Variants in AK5 observed in about 807,000 individuals in gnomAD.
AK5 encodes the protein adenylate kinase isoenzyme 5.
Under a neutral mutation model 69.5 loss-of-function variants are expected in AK5, and 27 were observed. That is an observed-to-expected ratio of 0.39 (90% CI 0.29 to 0.54). The LOEUF (loss-of-function observed/expected upper bound fraction) is 0.54. Among genes scored for constraint, AK5 ranks in the 20% least tolerant of loss-of-function variants. The pLI, the probability that AK5 is intolerant of heterozygous loss-of-function variation, is 0.71. For missense variants in AK5, 531 were observed against 700.4 expected (o/e 0.76, Z 2.73); for synonymous variants, 260 against 244.4 (o/e 1.06, Z -0.60).
chr1:77,498,458 G>T (rs549190096), intron 10 of AK5, among the ~76,000 whole-genome samples: 48 of 152,254 alleles, frequency 3.2e-4, no homozygotes, highest in African/African-American at 1.2e-3. Context: ...AAAGAGGGAG[G>T]CATTACAGGC....
intron 8 of AK5, among the ~76,000 whole-genome samples, chr1:77,463,851 G>C (rs1653984405): frequency 6.6e-6 from 1 of 152,178 alleles, no homozygotes; most frequent in Non-Finnish European, 1.5e-5. Flanking sequence ...CATTGTCCAA[G>C]CTTGGTTCAG....
intron 8 of AK5, among the ~76,000 whole-genome samples, chr1:77,430,395 C>A (rs6675781): frequency 0.23 from 34,739 of 151,964 alleles, 4,422 homozygotes; most frequent in South Asian, 0.34. Flanking sequence ...TGAGAAAAGA[C>A]GAGTTCTGTA....
At chr1:77,326,901 G>A (rs942986837) in intron 5 of AK5, among the ~76,000 whole-genome samples, 1 of 152,028 alleles carries the variant, frequency 6.6e-6, no homozygotes, top group South Asian at 2.1e-4. Flanking sequence ...TAGGAATTTG[G>A]ACCACATGAT....
chr1:77,346,655 C>T (rs760170433), intron 6 of AK5, among the ~76,000 whole-genome samples: 14 of 152,072 alleles, frequency 9.2e-5, no homozygotes, highest in Non-Finnish European at 4.4e-5. Context: ...TGCCACCATG[C>T]CCACCTAATT....
chr1:77,551,657 T>C (rs1301660461), intron 13 of AK5, among the ~76,000 whole-genome samples: 1 of 152,130 alleles, frequency 6.6e-6, no homozygotes, highest in Non-Finnish European at 1.5e-5. Context: ...GCACTGCCCT[T>C]GAGGTGCTGC....
At chr1:77,353,040 ATACT>A (rs1246754366) in intron 6 of AK5, among the ~76,000 whole-genome samples, 3 of 152,224 alleles carry the variant, frequency 2.0e-5, no homozygotes. Context: ...TTACCTTTAC[ATACT>A]TAATTATTTT....
chr1:77,551,164 C>T lies in AK5; in HGVS notation c.1621-7438C>T, dbSNP rs781588734. ...TGCACTCCAGCCTGGGAGACAAGAG[C>T]GAAACTCCATCTCAAAACAAAACAA... On this transcript the variant is annotated intron_variant, in intron 13 of 13. Coordinates refer to ENST00000354567, the MANE Select transcript of AK5 (RefSeq NM_174858.3). 2.0e-5 allele frequency among the ~76,000 whole-genome samples: 3 copies of T among 151,798 alleles called. No individual in the cohort carries two copies. The East Asian group carries it at 5.8e-4, about 29-fold the overall frequency.
At chr1:77,542,418 C>T (rs1659327030) in intron 13 of AK5, among the ~76,000 whole-genome samples, 1 of 152,142 alleles carries the variant, frequency 6.6e-6, no homozygotes, top group Admixed American at 6.5e-5. Flanking sequence ...GGAGTGAGCA[C>T]TGTGGGCAGC....
At chr1:77,486,999 G>A (rs1220750267) in intron 10 of AK5, among the ~76,000 whole-genome samples, 1 of 152,174 alleles carries the variant, frequency 6.6e-6, no homozygotes, top group Non-Finnish European at 1.5e-5. Flanking sequence ...TAAACTGAAT[G>A]CATCAATTGC....
At chr1:77,548,684 C>A (rs994318240) in intron 13 of AK5, among the ~76,000 whole-genome samples, 3 of 152,102 alleles carry the variant, frequency 2.0e-5, no homozygotes, top group African/African-American at 7.2e-5. Flanking sequence ...AATGTTTGGA[C>A]CAGCCAACTG....
At chr1:77,342,926 G>A (rs1355199095) in intron 6 of AK5, among the ~76,000 whole-genome samples, 1 of 151,682 alleles carries the variant, frequency 6.6e-6, no homozygotes, top group African/African-American at 2.4e-5. Context: ...CTCTGCTAGG[G>A]GACAGGGGTG....
chr1:77,493,869 A>G (rs912730570), intron 10 of AK5, among the ~76,000 whole-genome samples: 2 of 152,254 alleles, frequency 1.3e-5, no homozygotes, highest in Non-Finnish European at 2.9e-5. Context: ...TTTTGTGGTG[A>G]CAATGAACCT....
At chr1:77,422,603 A>G (rs1471098885) in intron 8 of AK5, among the ~76,000 whole-genome samples, 3 of 151,508 alleles carry the variant, frequency 2.0e-5, no homozygotes, top group African/African-American at 7.3e-5. Flanking sequence ...TGTGACCTCT[A>G]CTCATGCACC....
chr1:77,490,782 C>CT lies in AK5; in HGVS notation c.1147+4445dup, dbSNP rs374394627. Among the ~76,000 whole-genome samples the CT allele has an allele frequency of 5.4e-3, 755 of 139,912 alleles. 2 individuals are homozygous for CT. Among genetic ancestry groups the CT allele is most frequent in the African/African-American group, 0.015 (576 of 38,296 alleles). 91.8% of individuals were successfully genotyped at this position (139,912 alleles called of 152,430 possible). A position where few individuals can be genotyped will look rare whatever the true frequency, so the allele number is the denominator to read the frequency against. On this transcript the variant is annotated intron_variant, in intron 10 of 13. Transcript: ENST00000354567. ...TTCTGGTACATTTCTTTCCTTTTTT[C>CT]TTTTTTTTTTTTTTTAAATCTCTTG... is the stretch of plus-strand genomic sequence containing the variant.
At chr1:77,529,414 A>C (rs1570316208) in intron 12 of AK5, among the ~76,000 whole-genome samples, 1 of 150,860 alleles carries the variant, frequency 6.6e-6, no homozygotes, top group Non-Finnish European at 1.5e-5. Context: ...GCTCACTGCA[A>C]CCTCCGCCTC....
intron 13 of AK5, among the ~76,000 whole-genome samples, chr1:77,537,006 C>CAT (rs1440164056): frequency 6.6e-6 from 1 of 152,154 alleles, no homozygotes; most frequent in Non-Finnish European, 1.5e-5. Flanking sequence ...ATCAGGAACC[C>CAT]ATAGTCCATC....
At chr1:77,429,474 C>T (rs1651447097) in intron 8 of AK5, among the ~76,000 whole-genome samples, 1 of 152,106 alleles carries the variant, frequency 6.6e-6, no homozygotes, top group African/African-American at 2.4e-5. Context: ...ATTCAATGTG[C>T]CAGACTCTAT....
At chr1:77,322,707 G>T (rs192502381) in intron 5 of AK5, among the ~76,000 whole-genome samples, 46 of 150,642 alleles carry the variant, frequency 3.1e-4, no homozygotes, top group African/African-American at 1.1e-3. Flanking sequence ...GCTAAATTAC[G>T]CACCTTACTG....
At chr1:77,547,271 C>CTTTTTTT (rs532879024) in intron 13 of AK5, among the ~76,000 whole-genome samples, 5 of 107,436 alleles carry the variant, frequency 4.7e-5, no homozygotes, top group Non-Finnish European at 9.0e-5. Context: ...ATAAAGTTCT[C>CTTTTTTT]TTTTTTTTTT....
Sources: gnomAD v4.1 joint callset for allele counts (sites outside exome capture counted in the v4.1 genomes callset) on GRCh38, gnomAD v4.1.1 for gene constraint, MANE v1.5 for transcripts, NCBI Gene and HGNC (gene_info 2026-07-23, HGNC 2026-07-21) for gene names.